RANBP2: variants seen among roughly 807,000 people sequenced by gnomAD.
The protein encoded by RANBP2 is RAN binding protein 2, also known as E3 SUMO-protein ligase RanBP2.
In RANBP2, 57 loss-of-function variants were observed where a neutral mutation model predicts 303.6. The ratio of observed to expected loss-of-function variants is 0.19; its 90% CI spans 0.15 to 0.23. The LOEUF (loss-of-function observed/expected upper bound fraction) is 0.23, where lower values mean the gene tolerates loss of function less well. Ranked by LOEUF, RANBP2 falls within the 10% of genes least tolerant of loss-of-function variation. RANBP2 has a pLI of 1.00. For missense variants in RANBP2, 3,138 were observed against 3,780.8 expected (o/e 0.83, Z 4.46); for synonymous variants, 1,167 against 1,301.5 (o/e 0.90, Z 2.23).
the RANBP2 span, among the ~76,000 whole-genome samples, chr2:109,399,668 A>T: frequency 9.2e-5 from 14 of 152,366 alleles, no homozygotes; most frequent in Admixed American, 6.5e-4. Flanking sequence ...TAAATAATGA[A>T]CAATATTTAG....
At chr2:108,949,152 T>C in the RANBP2 span, among the ~76,000 whole-genome samples, 1 of 152,036 alleles carries the variant, frequency 6.6e-6, no homozygotes, top group African/African-American at 2.4e-5. Context: ...TAATTTTTTT[T>C]GTAGTTTTTT....
At chr2:109,678,030 G>A in the RANBP2 span, among the ~76,000 whole-genome samples, 4 of 152,176 alleles carry the variant, frequency 2.6e-5, no homozygotes, top group African/African-American at 7.2e-5. Context: ...TCCCGCAGCA[G>A]GGGGGTCGCA....
the RANBP2 span, among the ~76,000 whole-genome samples, chr2:109,005,977 G>A: frequency 6.6e-6 from 1 of 152,144 alleles, no homozygotes; most frequent in Non-Finnish European, 1.5e-5. Flanking sequence ...AGGAAGCACA[G>A]AGGTCACATG....
At chr2:109,478,257 C>T in the RANBP2 span, among the ~76,000 whole-genome samples, 18 of 152,208 alleles carry the variant, frequency 1.2e-4, no homozygotes, top group Admixed American at 9.8e-4. Context: ...CTCTCAGTTC[C>T]CATAAAGCCG....
the RANBP2 span, among the ~76,000 whole-genome samples, chr2:109,608,031 A>T: frequency 6.6e-6 from 1 of 152,366 alleles, no homozygotes; most frequent in East Asian, 1.9e-4. Flanking sequence ...AGAACTAGCT[A>T]CTAATTTGTC....
chr2:109,596,256 T>C, the RANBP2 span, among the ~76,000 whole-genome samples: 1 of 152,182 alleles, frequency 6.6e-6, no homozygotes, highest in African/African-American at 2.4e-5. Context: ...AATATAATGA[T>C]AGCATATCAT....
the RANBP2 span, among the ~76,000 whole-genome samples, chr2:109,201,119 A>G: frequency 6.6e-6 from 1 of 152,136 alleles, no homozygotes; most frequent in East Asian, 1.9e-4. Flanking sequence ...CACAGACCTT[A>G]TTTTATATCA....
the RANBP2 span, among the ~76,000 whole-genome samples, chr2:109,111,283 CAA>C: frequency 6.6e-6 from 1 of 152,040 alleles, no homozygotes; most frequent in African/African-American, 2.4e-5. Flanking sequence ...CTTGTATTTT[CAA>C]AGGTTTATAT....
intron 4 of RANBP2, among the ~76,000 whole-genome samples, chr2:108,734,068 A>G (rs1451766641): frequency 6.6e-6 from 1 of 152,114 alleles, no homozygotes; most frequent in African/African-American, 2.4e-5. Flanking sequence ...ATAGAGTCAA[A>G]GACTAGGGCT....
the RANBP2 span, among the ~76,000 whole-genome samples, chr2:108,823,881 G>T: frequency 3.3e-5 from 5 of 152,004 alleles, no homozygotes; most frequent in African/African-American, 1.2e-4. Flanking sequence ...GGATGCTGAG[G>T]CAAGAGAATT....
chr2:109,159,111 G>A, the RANBP2 span, among the ~76,000 whole-genome samples: 1 of 148,806 alleles, frequency 6.7e-6, no homozygotes, highest in East Asian at 2.0e-4. Flanking sequence ...AGTGAGATTC[G>A]GTCTCAAAAC....
At chr2:109,312,300 A>T in the RANBP2 span, among the ~76,000 whole-genome samples, 1 of 151,962 alleles carries the variant, frequency 6.6e-6, no homozygotes, top group Non-Finnish European at 1.5e-5. Flanking sequence ...TGAGCTTCCC[A>T]CTCGAGGTTG....
the RANBP2 span, among the ~76,000 whole-genome samples, chr2:109,064,123 G>A: frequency 1.5e-3 from 222 of 152,226 alleles, no homozygotes; most frequent in Non-Finnish European, 2.6e-3. Context: ...ACTCTGTAAG[G>A]TATGTACTAA....
the RANBP2 span, among the ~76,000 whole-genome samples, chr2:108,871,749 T>G: frequency 6.6e-6 from 1 of 152,226 alleles, no homozygotes; most frequent in East Asian, 1.9e-4. Context: ...AAATACATAC[T>G]GCTAATGTAT....
chr2:109,636,755 T>A, the RANBP2 span, among the ~76,000 whole-genome samples: 47 of 152,138 alleles, frequency 3.1e-4, no homozygotes, highest in South Asian at 9.3e-3. Flanking sequence ...CTGGCCAACA[T>A]GATGAAACCC....
At chr2:108,862,268 T>G in the RANBP2 span, among the ~76,000 whole-genome samples, 24 of 152,246 alleles carry the variant, frequency 1.6e-4, no homozygotes, top group African/African-American at 5.5e-4. Flanking sequence ...ATGGGTTATC[T>G]TACCTTACTA....
intron 3 of RANBP2, among the ~76,000 whole-genome samples, 193 bp downstream of exon 3, chr2:108,731,078 A>C (rs1695131812): frequency 6.6e-6 from 1 of 152,208 alleles, no homozygotes; most frequent in Non-Finnish European, 1.5e-5. Flanking sequence ...TAACACGGTC[A>C]GAAATGGTGT....
At chr2:109,055,916 C>T in the RANBP2 span, among the ~76,000 whole-genome samples, 9 of 151,502 alleles carry the variant, frequency 5.9e-5, no homozygotes, top group East Asian at 2.0e-4. Context: ...CCCCCCAGCA[C>T]GCCCAGCTAA....
chr2:109,275,591 C>G, the RANBP2 span, among the ~76,000 whole-genome samples: 4 of 152,214 alleles, frequency 2.6e-5, no homozygotes, highest in Non-Finnish European at 5.9e-5. Flanking sequence ...GCCCCGCACC[C>G]GCCGTGCTTC....
Sources: allele counts gnomAD v4.1 joint callset (sites outside exome capture counted in the v4.1 genomes callset), GRCh38; gene constraint gnomAD v4.1.1; transcripts MANE v1.5; gene names NCBI Gene and HGNC (gene_info 2026-07-23, HGNC 2026-07-21).